Variants in FGD3 observed in about 807,000 individuals in gnomAD.
The protein encoded by FGD3 is FYVE, RhoGEF and PH domain containing 3.
In FGD3, 45 loss-of-function variants were observed where a neutral mutation model predicts 71.8. That is an observed-to-expected ratio of 0.63 (90% CI 0.49 to 0.80). The LOEUF (loss-of-function observed/expected upper bound fraction) is 0.80, where lower values mean the gene tolerates loss of function less well. FGD3 is among the 30% of genes least tolerant of loss of function. The probability of loss-of-function intolerance (pLI) is 0.00; values close to 1 mark genes in which losing one functional copy is unlikely to be tolerated. For missense variants in FGD3, 844 were observed against 951.5 expected, an observed-to-expected ratio of 0.89 and a Z score of 1.49; for synonymous variants, 378 against 392.8, an observed-to-expected ratio of 0.96 and a Z score of 0.44.
intron 3 of FGD3, 131 bp from the exon 4 acceptor site, chr9:93,002,794 C>T (rs1860905193): frequency 1.2e-6 from 1 of 800,012 alleles, no homozygotes; most frequent in South Asian, 1.5e-5. Flanking sequence ...CCCTCCTGCC[C>T]CTTCTCTTGC....
At position 93,018,074 on chromosome 9, in the gene FGD3, A is replaced by C. The variant is rs778369422; in HGVS notation, c.1276-62A>C. 2.0e-6 allele frequency: 3 copies of C among 1,488,608 alleles called. No homozygotes were observed. In the South Asian group the frequency reaches 3.4e-5, roughly 17 times the overall value. The allele number at this position is 1,488,608 out of a possible 1,614,324, so 92.2% of individuals were successfully genotyped here. A position where few individuals can be genotyped will look rare whatever the true frequency, so the allele number is the denominator to read the frequency against. ...GGGAAACACTTCTAAGTCAGAAAAC[A>C]TGAGGCTGGAGCTAAAATGACCAGC... On this transcript the variant is annotated intron_variant, in intron 10 of 17. Coordinates refer to ENST00000375482, the MANE Select transcript of FGD3 (RefSeq NM_001083536.2).
intron 1 of FGD3, among the ~76,000 whole-genome samples, chr9:92,949,362 T>C (rs3936099): frequency 0.7 from 105,726 of 152,032 alleles, 37,964 homozygotes; most frequent in African/African-American, 0.89. Context: ...GTGACCTATA[T>C]GGAAGCCTGT....
At chr9:93,020,264 T>C in intron 12 of FGD3, 53 bp from the exon 13 acceptor site, 1 of 1,522,024 alleles carries the variant, frequency 6.6e-7, no homozygotes, top group Non-Finnish European at 8.9e-7. Context: ...CTCCTGTGGG[T>C]AGCATCCTCC....
At chr9:92,956,931 G>T (rs979458213) in intron 1 of FGD3, among the ~76,000 whole-genome samples, 2 of 144,906 alleles carry the variant, frequency 1.4e-5, no homozygotes, top group Non-Finnish European at 1.5e-5. Context: ...CTTGACCTCC[G>T]GGGCTCAAGC....
chr9:93,026,909 T>C (rs567740806), intron 14 of FGD3, among the ~76,000 whole-genome samples: 1 of 152,320 alleles, frequency 6.6e-6, no homozygotes, highest in East Asian at 1.9e-4. Flanking sequence ...GAGGTGCACA[T>C]CGGGGCTGCC....
rs1859467611 is a variant in FGD3, at chr9:92,969,703, A to G, written c.-217-5535A>G. Among the ~76,000 whole-genome samples the G allele has an allele frequency of 6.6e-6, 1 of 152,116 alleles. No individual in the cohort carries two copies. The highest frequency in any genetic ancestry group is 2.1e-4 in the South Asian group (1 of 4,830). ...CCCGCACGGCCTCCCGGGAAGGGAC[A>G]TCTGGTGGCAGATAGAGCTGGGTGG... On this transcript the variant is annotated intron_variant, in intron 1 of 17. Coordinates refer to ENST00000375482, the MANE Select transcript of FGD3 (RefSeq NM_001083536.2). This position sits in a 1 kb window ranked among gnomAD's most constrained non-coding sequence, Gnocchi z 4.5.
At chr9:93,010,487 G>A (rs1050137207) in intron 7 of FGD3, 103 bp downstream of exon 7, 1 of 1,280,204 alleles carries the variant, frequency 7.8e-7, no homozygotes, top group Admixed American at 2.9e-5. Context: ...CATGGGGGTA[G>A]GGGAGAGAGA....
chr9:92,995,909 T>G (rs183394523), intron 3 of FGD3, among the ~76,000 whole-genome samples: 1 of 152,320 alleles, frequency 6.6e-6, no homozygotes, highest in East Asian at 1.9e-4. Context: ...GTATCGATGT[T>G]CATCAGGGAT....
chr9:93,007,176 C>T (rs139178382), intron 6 of FGD3, among the ~76,000 whole-genome samples: 1,807 of 150,164 alleles, frequency 0.012, 31 homozygotes, highest in African/African-American at 0.042. Flanking sequence ...CTGTAAGCTC[C>T]GCCTCCCAGG....
At chr9:92,962,196 T>C (rs1383791535) in intron 1 of FGD3, among the ~76,000 whole-genome samples, 1 of 152,190 alleles carries the variant, frequency 6.6e-6, no homozygotes, top group East Asian at 1.9e-4. Flanking sequence ...CTCTTTTTGT[T>C]CCTTACCTAC....
rs996052344 is a variant in FGD3, at chr9:93,035,576, C to T, written c.2165C>T (p.Ala722Val). The change falls in exon 18 of 18, where the codon GCA becomes GTA. Residue 722 changes from alanine (A) to valine (V), a missense_variant. Physicochemically the swap from Ala to Val is moderately conservative, Grantham distance 64. Coordinates refer to ENST00000375482, the MANE Select transcript of FGD3 (RefSeq NM_001083536.2). ...GALQLQVPMG[A>V]AAP ...CTGCAGCTTCAGGTCCCTATGGGCG[C>T]AGCTGCTCCGTGAGCTGAGTCTCCC... 6.3e-7 allele frequency: 1 copy of T among 1,591,358 alleles called. No homozygotes were observed. Among genetic ancestry groups the T allele is most frequent in the Non-Finnish European group, 8.5e-7 (1 of 1,171,364 alleles).
intron 3 of FGD3, among the ~76,000 whole-genome samples, chr9:92,999,872 G>A (rs572826150): frequency 6.8e-4 from 103 of 152,176 alleles, no homozygotes; most frequent in African/African-American, 2.2e-3. Context: ...GATTACAGGT[G>A]TGAGCCACCA....
rs757745593 is a variant in FGD3, at chr9:93,035,341, G to A, written c.1930G>A (p.Gly644Ser). 1.0e-5 allele frequency: 16 copies of A among 1,607,770 alleles called. No homozygotes were observed. The highest frequency in any genetic ancestry group is 6.7e-5 in the East Asian group (3 of 44,742). The change falls in exon 18 of 18, where the codon GGC becomes AGC. Residue 644 changes from glycine to serine, a missense_variant. Transcript: ENST00000375482. ...VLHLQGGSQD[G>S]RLPRTIPLPS... ...ACCATCTGCTCCTCTGCTGCAGGAC[G>A]GCCGGCTGCCCCGCACCATCCCTCT... is the stretch of plus-strand genomic sequence containing the variant.
At position 93,003,307 on chromosome 9, in the gene FGD3, A is replaced by G. The variant is rs1328157061; in HGVS notation, c.543+293A>G. Among the ~76,000 whole-genome samples the G allele has an allele frequency of 1.3e-5, 2 of 151,930 alleles. No homozygotes were observed. The highest frequency in any genetic ancestry group is 2.9e-5 in the Non-Finnish European group (2 of 67,964). On this transcript the variant is annotated intron_variant, in intron 4 of 17. Coordinates refer to ENST00000375482, the MANE Select transcript of FGD3 (RefSeq NM_001083536.2). The surrounding 1 kb of genome is among the most constrained non-coding windows in gnomAD (Gnocchi z 4.1). ...CCACGCCCAGCTAATTTTTGTATTT[A>G]TAGTAGAGACGGGGTTTCACCATAT...
Position 93,006,162 on chromosome 9 carries a change from C to A in FGD3, c.819C>A (p.Asp273Glu), listed in dbSNP as rs769761934. The A allele has an allele frequency of 6.3e-7, 1 of 1,590,544 alleles. No homozygotes were observed. Among genetic ancestry groups the A allele is most frequent in the Non-Finnish European group, 8.6e-7 (1 of 1,165,860 alleles). Reference protein sequence around the residue: ...TWTQRSPLFKDVVHSIQKQEV... With the variant: ...TWTQRSPLFKEVVHSIQKQEV... ...CCCAGCGCTCCCCACTGTTTAAAGA[C>A]GTCGTCCACAGCATCCAGGTAAGGC... Residue 273 changes from aspartate (D) to glutamate (E), a missense_variant, in exon 6 of 18, where the codon GAC (aspartate) becomes GAA (glutamate). Asp to Glu is a conservative substitution (Grantham distance 45, BLOSUM62 2). Transcript: ENST00000375482.
chr9:92,959,992 T>C (rs1467572488), intron 1 of FGD3, among the ~76,000 whole-genome samples: 2 of 152,032 alleles, frequency 1.3e-5, no homozygotes, highest in Non-Finnish European at 2.9e-5. Context: ...ATATTCTTCA[T>C]GTCCCCGTAT....
At chr9:93,031,061 ATGGG>A (rs1862338973) in intron 15 of FGD3, among the ~76,000 whole-genome samples, 1 of 151,172 alleles carries the variant, frequency 6.6e-6, no homozygotes, top group African/African-American at 2.4e-5. Context: ...TGGATAATGA[ATGGG>A]TGGATGGATG....
chr9:92,964,825 G>T (rs1014656795), intron 1 of FGD3, among the ~76,000 whole-genome samples: 5 of 152,176 alleles, frequency 3.3e-5, no homozygotes, highest in Admixed American at 2.6e-4. Context: ...GGCCTGGGGG[G>T]CGGGGGGTAG....
Position 93,006,046 on chromosome 9 carries a change from G to T in FGD3, c.703G>T (p.Asp235Tyr). Residue 235 changes from aspartate to tyrosine, a missense_variant, in exon 6 of 18, where the codon GAC (aspartate) becomes TAC (tyrosine). Coordinates refer to ENST00000375482, the MANE Select transcript of FGD3 (RefSeq NM_001083536.2). ...AAGGGACACAAACCCACGGCTCGGGGACATCCTGCAGAAGCTGGCCCCATT... is the reference window on the plus strand; with the variant it reads ...AAGGGACACAAACCCACGGCTCGGGTACATCCTGCAGAAGCTGGCCCCATT... ...EEWDTNPRLG[D>Y]ILQKLAPFLK... is the part of the protein sequence containing the mutation. 1 of 1,609,558 alleles carries T rather than the reference G, an allele frequency of 6.2e-7. No homozygotes were observed. The highest frequency in any genetic ancestry group is 8.5e-7 in the Non-Finnish European group (1 of 1,178,240).
Sources: gnomAD v4.1 joint callset for allele counts (sites outside exome capture counted in the v4.1 genomes callset) on GRCh38, gnomAD v4.1.1 for gene constraint, Gnocchi (gnomAD v3.1) non-coding constraint, MANE v1.5 for transcripts, NCBI Gene and HGNC (gene_info 2026-07-23, HGNC 2026-07-21) for gene names.